Variants in DNAH11 observed in about 807,000 individuals in gnomAD.
The protein encoded by DNAH11 is axonemal beta dynein heavy chain 11.
DNAH11 carries 442 observed loss-of-function variants against 526.0 expected under a neutral mutation model. The observed-to-expected ratio is 0.84, with a 90% CI of 0.78 to 0.91. The LOEUF (loss-of-function observed/expected upper bound fraction) is 0.91. DNAH11 is among the 40% of genes least tolerant of loss of function. DNAH11 has a pLI of 0.00. For missense variants in DNAH11, 6,989 were observed against 5,448.7 expected (o/e 1.28, Z -8.90); for synonymous variants, 2,461 against 1,935.9 (o/e 1.27, Z -7.12).
intron 30 of DNAH11, among the ~76,000 whole-genome samples, chr7:21,671,543 C>G (rs1043302060): frequency 2.0e-5 from 3 of 151,700 alleles, no homozygotes; most frequent in Non-Finnish European, 2.9e-5. Flanking sequence ...TTTTTTTTCT[C>G]TTTTTTTTCT....
intron 63 of DNAH11, among the ~76,000 whole-genome samples, chr7:21,812,717 A>G (rs1263939993): frequency 1.3e-5 from 2 of 152,102 alleles, no homozygotes; most frequent in African/African-American, 4.8e-5. Context: ...TCCACTTCAG[A>G]AGGCCCTCAA....
intron 32 of DNAH11, among the ~76,000 whole-genome samples, chr7:21,684,704 G>A (rs1783297545): frequency 6.6e-6 from 1 of 152,190 alleles, no homozygotes; most frequent in South Asian, 2.1e-4. Flanking sequence ...AGCCAGTGTG[G>A]CTCAAGTATT....
intron 30 of DNAH11, among the ~76,000 whole-genome samples, chr7:21,665,750 T>A (rs1191581911): frequency 6.6e-6 from 1 of 152,146 alleles, no homozygotes; most frequent in East Asian, 1.9e-4. Flanking sequence ...CACATAATTA[T>A]AAAACACTTC....
At chr7:21,881,214 G>C (rs1485470474) in intron 75 of DNAH11, among the ~76,000 whole-genome samples, 1 of 152,188 alleles carries the variant, frequency 6.6e-6, no homozygotes, top group Non-Finnish European at 1.5e-5. Context: ...AGGTAATGAA[G>C]CATTTGCACA....
chr7:21,554,244 G>C (rs915733489), intron 2 of DNAH11, among the ~76,000 whole-genome samples: 6 of 149,804 alleles, frequency 4.0e-5, no homozygotes, highest in African/African-American at 4.9e-5. Flanking sequence ...TGCAATCTTG[G>C]CTCACTGCAA....
intron 31 of DNAH11, among the ~76,000 whole-genome samples, chr7:21,683,522 G>A (rs189031383): frequency 6.6e-6 from 1 of 152,282 alleles, no homozygotes; most frequent in East Asian, 1.9e-4. Context: ...CCCCTGGGGT[G>A]ATTCATAAAA....
intron 5 of DNAH11, among the ~76,000 whole-genome samples, chr7:21,563,248 G>T (rs1284424770): frequency 6.6e-6 from 1 of 150,484 alleles, no homozygotes; most frequent in Admixed American, 6.6e-5. Context: ...TTGCTCTGTT[G>T]CCCAGGCTGG....
At chr7:21,653,052 T>G (rs937810676) in intron 28 of DNAH11, among the ~76,000 whole-genome samples, 5 of 152,016 alleles carry the variant, frequency 3.3e-5, no homozygotes, top group African/African-American at 4.8e-5. Context: ...AATTTTGTAT[T>G]TGTAGTAGGA....
intron 28 of DNAH11, among the ~76,000 whole-genome samples, chr7:21,653,752 A>G (rs1258697320): frequency 6.6e-6 from 1 of 152,322 alleles, no homozygotes; most frequent in East Asian, 1.9e-4. Flanking sequence ...AGTAAGCGAG[A>G]GTCTCAAAAA....
At chr7:21,784,218 G>T (rs1284885251) in intron 57 of DNAH11, among the ~76,000 whole-genome samples, 1 of 152,164 alleles carries the variant, frequency 6.6e-6, no homozygotes, top group Non-Finnish European at 1.5e-5. Context: ...TTTATGTTGA[G>T]ATTTGTTACT....
chr7:21,820,798 A>G (rs879888563), intron 65 of DNAH11, among the ~76,000 whole-genome samples: 1 of 152,198 alleles, frequency 6.6e-6, no homozygotes, highest in Non-Finnish European at 1.5e-5. Flanking sequence ...CTAAGGGACC[A>G]TGCTTTCCTG....
chr7:21,636,976 G>A (rs1041252188), intron 26 of DNAH11, among the ~76,000 whole-genome samples: 4 of 152,114 alleles, frequency 2.6e-5, no homozygotes, highest in African/African-American at 7.2e-5. Flanking sequence ...AATGATAATT[G>A]ATTGGAGAGA....
chr7:21,571,355 A>C (rs1029354691), intron 7 of DNAH11, among the ~76,000 whole-genome samples: 5 of 152,104 alleles, frequency 3.3e-5, no homozygotes. Flanking sequence ...AACACAGCTC[A>C]CTGCAGCCTT....
chr7:21,571,917 GAACTCTGTAAACTTTTTA>G lies in DNAH11; in HGVS notation c.1541_1558del (p.Leu514_Lys519del). 6.2e-7 allele frequency: 1 copy of G among 1,611,496 alleles called. No homozygotes were observed. On this transcript the variant is annotated inframe_deletion, in exon 8 of 82. Transcript: ENST00000409508. ...CCACGAGATGAGTGAAGAACTTATG[GAACTCTGTAAACTTTTTA>G]AACAGAGCACTTATGACCCATCTGA...
At chr7:21,873,087 T>C (rs986109094) in intron 73 of DNAH11, among the ~76,000 whole-genome samples, 187 bp from the exon 74 acceptor site, 1 of 149,986 alleles carries the variant, frequency 6.7e-6, no homozygotes, top group Non-Finnish European at 1.5e-5. Context: ...CAATTCCCTT[T>C]TGGCTTTTTT....
At chr7:21,804,384 C>T (rs889422644) in intron 62 of DNAH11, among the ~76,000 whole-genome samples, 2 of 152,228 alleles carry the variant, frequency 1.3e-5, no homozygotes, top group African/African-American at 2.4e-5. Flanking sequence ...GCTGGGATTA[C>T]AGGCATGAGC....
At chr7:21,702,604 T>G in intron 36 of DNAH11, 106 bp from the exon 37 acceptor site, 1 of 808,228 alleles carries the variant, frequency 1.2e-6, no homozygotes, top group Non-Finnish European at 2.1e-6. Flanking sequence ...CATTAAAGTG[T>G]GTATTTATCT....
At chr7:21,711,951 T>C (rs1365245465) in intron 42 of DNAH11, 91 bp downstream of exon 42, 2 of 1,428,786 alleles carry the variant, frequency 1.4e-6, no homozygotes, top group Non-Finnish European at 1.9e-6. Flanking sequence ...ATTCATGTTG[T>C]TGCACAGCTG....
chr7:21,658,405 C>A (rs868448435), intron 29 of DNAH11, among the ~76,000 whole-genome samples: 1 of 152,140 alleles, frequency 6.6e-6, no homozygotes, highest in Non-Finnish European at 1.5e-5. Context: ...GAATATGACT[C>A]ATACCTCTAT....
Sources: gnomAD v4.1 joint callset for allele counts (sites outside exome capture counted in the v4.1 genomes callset) on GRCh38, gnomAD v4.1.1 for gene constraint, MANE v1.5 for transcripts, NCBI Gene and HGNC (gene_info 2026-07-23, HGNC 2026-07-21) for gene names.